The following KTN1 variants were observed in gnomAD, a reference collection of about 807,000 sequenced individuals.
KTN1 encodes kinectin.
A neutral mutation model predicts 222.5 loss-of-function variants in KTN1; 130 were observed. The observed-to-expected ratio is 0.58, with a 90% confidence interval of 0.51 to 0.68. The LOEUF is 0.68. Among genes scored for constraint, KTN1 ranks in the 30% least tolerant of loss-of-function variants. The pLI is 0.00. For synonymous variants in KTN1, 512 were observed against 496.3 expected (o/e 1.03, Z -0.42); for missense variants, 1,508 against 1,500.4 (o/e 1.01, Z -0.08).
At chr14:55,617,903 C>A in intron 3 of KTN1, 61 bp from the exon 4 acceptor site, 1 of 1,160,164 alleles carries the variant, frequency 8.6e-7, no homozygotes, top group African/African-American at 1.6e-5. Flanking sequence ...ATTATGCTTG[C>A]ATGTCATTTA....
At chr14:55,643,813 A>G (rs938176541) in intron 18 of KTN1, among the ~76,000 whole-genome samples, 3 of 152,134 alleles carry the variant, frequency 2.0e-5, no homozygotes, top group African/African-American at 7.2e-5. Context: ...ATGAAAGTTA[A>G]TATTATTGCT....
At chr14:55,611,263 CTTTTTTTTT>C (rs897315974) in intron 1 of KTN1, among the ~76,000 whole-genome samples, 1 of 116,060 alleles carries the variant, frequency 8.6e-6, no homozygotes, top group Admixed American at 8.9e-5. Context: ...ATTTTCTTGT[CTTTTTTTTT>C]TTTTTTTTTT....
At chr14:55,602,776 C>T (rs2036174481) in intron 1 of KTN1, among the ~76,000 whole-genome samples, 3 of 152,050 alleles carry the variant, frequency 2.0e-5, no homozygotes, top group Admixed American at 6.6e-5. Context: ...AGACAGGGTT[C>T]TGCTATGTTG....
At chr14:55,680,607 C>T in intron 43 of KTN1, 1 of 752,544 alleles carries the variant, frequency 1.3e-6, no homozygotes, top group Non-Finnish European at 2.2e-6. Context: ...TACAAGGCCT[C>T]AGGGAGAGCT....
intron 1 of KTN1, among the ~76,000 whole-genome samples, chr14:55,611,507 C>G (rs1001283810): frequency 6.6e-6 from 1 of 152,038 alleles, no homozygotes; most frequent in African/African-American, 2.4e-5. Flanking sequence ...CTGATAGTCA[C>G]TGGTGTAAAG....
At chr14:55,614,487 AGGTTGG>A (rs1209986562) in intron 2 of KTN1, among the ~76,000 whole-genome samples, 1 of 152,222 alleles carries the variant, frequency 6.6e-6, no homozygotes, top group Non-Finnish European at 1.5e-5. Flanking sequence ...GTTCTGAGTT[AGGTTGG>A]GGTTGGCAAA....
chr14:55,629,920 A>C, intron 6 of KTN1, 37 bp from the exon 7 acceptor site: 1 of 1,346,638 alleles, frequency 7.4e-7, no homozygotes, highest in Non-Finnish European at 1.1e-6. Flanking sequence ...ATACTTATTA[A>C]ATAACAAGTT....
intron 7 of KTN1, among the ~76,000 whole-genome samples, chr14:55,632,776 A>G (rs1354896703): frequency 2.6e-5 from 4 of 152,220 alleles, no homozygotes; most frequent in Non-Finnish European, 2.9e-5. Context: ...TGTGTTATCT[A>G]TATGATTATG....
chr14:55,658,511 G>C lies in KTN1; in HGVS notation c.2893-35G>C. On this transcript the variant is annotated intron_variant, in intron 29 of 43. Coordinates refer to ENST00000395314, the MANE Select transcript of KTN1 (RefSeq NM_001079521.2). ...ATCTAAGTTTATGTGGAAAAAATCTGTTTAGATACTGATGTTTAATTTTTA... is the reference window on the plus strand; with the variant it reads ...ATCTAAGTTTATGTGGAAAAAATCTCTTTAGATACTGATGTTTAATTTTTA... 3 of 1,220,974 alleles carry C rather than the reference G, an allele frequency of 2.5e-6. No individual in the cohort carries two copies. In the South Asian group the frequency reaches 3.7e-5, roughly 15 times the overall value. The allele number at this position is 1,220,974 out of a possible 1,614,324, so 75.6% of individuals were successfully genotyped here.
chr14:55,684,102 G>A lies in KTN1; in HGVS notation c.4073G>A (p.Ter1358=). ...KEKEHYQVLE[*] is the part of the protein sequence containing the mutation. ...CATTCTTTCTGATCTTTTACAGAGT[G>A]AAGTAATTGGGAAACTGTTCATTTG... is the stretch of plus-strand genomic sequence containing the variant. Residue 1358 remains the stop codon, a stop_retained_variant, in exon 44 of 44, where the codon TGA becomes TAA. Coordinates refer to ENST00000395314, the MANE Select transcript of KTN1 (RefSeq NM_001079521.2). 1 of 1,602,624 alleles carries A rather than the reference G, an allele frequency of 6.2e-7. No homozygotes were observed. Among genetic ancestry groups the A allele is most frequent in the Non-Finnish European group, 8.5e-7 (1 of 1,173,110 alleles).
chr14:55,644,268 G>A, intron 18 of KTN1: 1 of 559,904 alleles, frequency 1.8e-6, no homozygotes, highest in South Asian at 2.5e-5. Flanking sequence ...CCCACAGTCA[G>A]AATTCCAAGT....
intron 7 of KTN1, among the ~76,000 whole-genome samples, chr14:55,632,572 T>A (rs1270461827): frequency 7.0e-6 from 1 of 143,438 alleles, no homozygotes; most frequent in African/African-American, 2.6e-5. Flanking sequence ...GTGTAGAAGG[T>A]GTTTTACACA....
Position 55,664,909 on chromosome 14 carries a change from G to A in KTN1, c.3177+868G>A, listed in dbSNP as rs114355834. On this transcript the variant is annotated intron_variant, in intron 33 of 43. Coordinates refer to ENST00000395314, the MANE Select transcript of KTN1 (RefSeq NM_001079521.2). ...AATTTTAGCACTATGAAAATATTTT[G>A]TGTGCCATGGTACTCTATTGAATCT... Among the ~76,000 whole-genome samples, 421 of 152,040 alleles carry A rather than the reference G, an allele frequency of 2.8e-3. 1 individual carries two copies. Among genetic ancestry groups the A allele is most frequent in the African/African-American group, 9.1e-3 (379 of 41,492 alleles).
intron 1 of KTN1, among the ~76,000 whole-genome samples, chr14:55,593,723 T>G (rs35451981): frequency 0.25 from 37,304 of 152,044 alleles, 4,883 homozygotes; most frequent in East Asian, 0.36. Context: ...TAATTTGCTA[T>G]GACATTGGAT....
chr14:55,616,194 C>T (rs2038367740), intron 2 of KTN1, among the ~76,000 whole-genome samples: 1 of 152,080 alleles, frequency 6.6e-6, no homozygotes, highest in Admixed American at 6.5e-5. Flanking sequence ...AAGTGATCCA[C>T]CTGCCTCAGC....
In KTN1 at chr14:55,612,231, G is replaced by T. The variant is rs1193868451; in HGVS notation, c.183G>T (p.Lys61Asn). The change falls in exon 2 of 44, where the codon AAG becomes AAT. Residue 61 changes from lysine (K) to asparagine (N), a missense_variant. Lys to Asn is a moderately conservative substitution (Grantham distance 94). Transcript: ENST00000395314. Reference sequence around the variant, plus strand: ...ATAAAAAGAAAGCAGAAAAGAAAAAGAATAAAAAGAAAGAAATCCAGAATG... The same window carrying T: ...ATAAAAAGAAAGCAGAAAAGAAAAATAATAAAAAGAAAGAAATCCAGAATG... ...KTDKKKAEKKKNKKKEIQNGN... is the reference protein window; with the variant it reads ...KTDKKKAEKKNNKKKEIQNGN... 6.3e-7 allele frequency: 1 copy of T among 1,584,710 alleles called. No homozygotes were observed. Among genetic ancestry groups the T allele is most frequent in the African/African-American group, 1.4e-5 (1 of 72,686 alleles).
chr14:55,672,561 A>T, intron 37 of KTN1, 69 bp from the exon 38 acceptor site: 2 of 920,782 alleles, frequency 2.2e-6, no homozygotes, highest in Non-Finnish European at 3.5e-6. Context: ...ATTGATCAGA[A>T]TTCTACAGGA....
In KTN1 at chr14:55,658,576, T is replaced by A. The variant is rs1312585702; in HGVS notation, c.2923T>A (p.Ser975Thr). 12 of 1,604,760 alleles carry A rather than the reference T, an allele frequency of 7.5e-6. No homozygotes were observed. Among genetic ancestry groups the A allele is most frequent in the Non-Finnish European group, 1.0e-5 (12 of 1,172,698 alleles). ...ACAAGATGAAAACAAATTGTTTAAG[T>A]CCCAAATTGAGCAGCTTAAACAACA... ...DVQDENKLFK[S>T]QIEQLKQQNY... The change falls in exon 30 of 44, where the codon TCC becomes ACC. Residue 975 changes from serine (S) to threonine (T), a missense_variant. Ser to Thr is a moderately conservative substitution (Grantham distance 58). Coordinates refer to ENST00000395314, the MANE Select transcript of KTN1 (RefSeq NM_001079521.2).
chr14:55,660,209 G>C (rs1055194841), intron 31 of KTN1, among the ~76,000 whole-genome samples: 10 of 151,950 alleles, frequency 6.6e-5, no homozygotes, highest in African/African-American at 1.9e-4. Flanking sequence ...GTCAGACCTC[G>C]TCTCTACGAA....
Sources: gnomAD v4.1 joint callset for allele counts (sites outside exome capture counted in the v4.1 genomes callset) on GRCh38, gnomAD v4.1.1 for gene constraint, MANE v1.5 for transcripts, NCBI Gene and HGNC (gene_info 2026-07-23, HGNC 2026-07-21) for gene names.